IPMK: variants seen among roughly 807,000 people sequenced by gnomAD.
IPMK encodes inositol polyphosphate multikinase, also known as inositol 1,3,4,6-tetrakisphosphate 5-kinase.
A neutral mutation model predicts 45.8 loss-of-function variants in IPMK; 17 were observed. The observed-to-expected ratio is 0.37, with a 90% CI of 0.25 to 0.56. The LOEUF (loss-of-function observed/expected upper bound fraction) is 0.56. Among genes scored for constraint, IPMK ranks in the 20% least tolerant of loss-of-function variants. The pLI is 0.79. For missense variants in IPMK, 399 were observed against 498.0 expected (o/e 0.80, Z 1.89); for synonymous variants, 180 against 184.3 (o/e 0.98, Z 0.19).
intron 1 of IPMK, among the ~76,000 whole-genome samples, chr10:58,264,038 A>G (rs1839113360): frequency 6.6e-6 from 1 of 152,258 alleles, no homozygotes; most frequent in South Asian, 2.1e-4. Context: ...AAGACATTAC[A>G]GTATTGGAAC....
chr10:58,230,337 C>G (rs1838494251), intron 2 of IPMK, among the ~76,000 whole-genome samples: 1 of 152,194 alleles, frequency 6.6e-6, no homozygotes, highest in South Asian at 2.1e-4. Flanking sequence ...TGAGAACAAG[C>G]AGACTGCCCC....
chr10:58,249,368 G>A (rs975630806), intron 1 of IPMK, among the ~76,000 whole-genome samples: 3 of 152,104 alleles, frequency 2.0e-5, no homozygotes, highest in African/African-American at 4.8e-5. Context: ...ATAAGCATAA[G>A]CCACCATGCT....
intron 1 of IPMK, among the ~76,000 whole-genome samples, chr10:58,242,443 G>C (rs530792338): frequency 4.5e-5 from 6 of 132,030 alleles, no homozygotes; most frequent in African/African-American, 1.8e-4. Flanking sequence ...CTGGGCGACA[G>C]AGCGAGACTC....
At chr10:58,222,192 T>C (rs372075769) in intron 3 of IPMK, among the ~76,000 whole-genome samples, 10 of 152,298 alleles carry the variant, frequency 6.6e-5, no homozygotes, top group African/African-American at 2.2e-4. Context: ...GTAAGATAGA[T>C]GTGTTCTATC....
chr10:58,220,705 T>C (rs1053305203), intron 3 of IPMK, among the ~76,000 whole-genome samples: 1 of 152,220 alleles, frequency 6.6e-6, no homozygotes, highest in Non-Finnish European at 1.5e-5. Context: ...ACATTCCATA[T>C]ATAATTACTG....
chr10:58,216,320 G>A lies in IPMK; in HGVS notation c.374-3C>T. ...ATCTTCCAGTTTTAGGTATAAATCT[G>A]TTATTAAAGAAAAATATTAATTAGT... On this transcript the variant is annotated splice_region_variant and splice_polypyrimidine_tract_variant and intron_variant, in intron 3 of 5. Transcript: ENST00000373935. 1 of 1,440,256 alleles carries A rather than the reference G, an allele frequency of 6.9e-7. No homozygotes were observed. The highest frequency in any genetic ancestry group is 9.4e-7 in the Non-Finnish European group (1 of 1,065,022). The allele number at this position is 1,440,256 out of a possible 1,614,324, so 89.2% of individuals were successfully genotyped here. A position where few individuals can be genotyped will look rare whatever the true frequency, so the allele number is the denominator to read the frequency against.
intron 1 of IPMK, among the ~76,000 whole-genome samples, chr10:58,260,762 T>A (rs1839052509): frequency 6.6e-6 from 1 of 152,214 alleles, no homozygotes; most frequent in Admixed American, 6.5e-5. Context: ...TATGACTCAC[T>A]GAGAGAAATT....
Position 58,199,128 on chromosome 10 carries a change from A to C in IPMK, c.628+112T>G. ...TAAATCTAAGTTTCATTATTATTTAAAAAATGTTTATTATGAATCAAATCA... is the reference window on the plus strand; with the variant it reads ...TAAATCTAAGTTTCATTATTATTTACAAAATGTTTATTATGAATCAAATCA... On this transcript the variant is annotated intron_variant, in intron 5 of 5. Coordinates refer to ENST00000373935, the MANE Select transcript of IPMK (RefSeq NM_152230.5). The C allele has an allele frequency of 4.9e-6, 3 of 618,268 alleles. 1 individual carries two copies. The South Asian group carries it at 7.6e-5, about 16-fold the overall frequency. 38.3% of individuals were successfully genotyped at this position (618,268 alleles called of 1,614,324 possible).
intron 5 of IPMK, among the ~76,000 whole-genome samples, chr10:58,197,265 C>A (rs1377351922): frequency 7.3e-6 from 1 of 136,318 alleles, no homozygotes; most frequent in African/African-American, 3.0e-5. Flanking sequence ...GGCCACTGCA[C>A]GCCAGCCTGG....
chr10:58,195,961 CAAAT>C lies in IPMK; in HGVS notation c.*111_*114del, dbSNP rs1298100038. On this transcript the variant is annotated 3_prime_UTR_variant, in exon 6 of 6. Transcript: ENST00000373935. The stretch of plus-strand genomic sequence containing the variant: ...AACCATTCTTCCAAAAGTATAAAGA[CAAAT>C]AAAATGTCGACTCATAATACAAATT... The C allele has an allele frequency of 2.0e-5, 20 of 976,080 alleles. No individual in the cohort carries two copies. In the Admixed American group the frequency reaches 3.4e-4, roughly 17 times the overall value. The allele number at this position is 976,080 out of a possible 1,614,324, so 60.5% of individuals were successfully genotyped here.
chr10:58,249,880 A>T (rs968640008), intron 1 of IPMK, among the ~76,000 whole-genome samples: 2 of 152,120 alleles, frequency 1.3e-5, no homozygotes, highest in African/African-American at 2.4e-5. Flanking sequence ...AGGGATACAG[A>T]TCTAGTTTCA....
chr10:58,235,689 G>A (rs775642011), intron 2 of IPMK, among the ~76,000 whole-genome samples: 4 of 152,094 alleles, frequency 2.6e-5, no homozygotes, highest in East Asian at 3.9e-4. Flanking sequence ...GAGGGATAGC[G>A]TTATGAGAAA....
intron 2 of IPMK, among the ~76,000 whole-genome samples, chr10:58,232,133 T>C (rs1838533292): frequency 6.6e-6 from 1 of 152,204 alleles, no homozygotes; most frequent in African/African-American, 2.4e-5. Flanking sequence ...AAGAGTTAAC[T>C]ATCCTAAATA....
intron 4 of IPMK, among the ~76,000 whole-genome samples, chr10:58,207,035 T>C (rs143975082): frequency 3.4e-3 from 519 of 152,288 alleles, no homozygotes; most frequent in African/African-American, 0.012. Context: ...GGAGTCTTGC[T>C]CTGTTGCCCA....
In IPMK at chr10:58,249,910, C is replaced by G. The variant is rs145973272; in HGVS notation, c.191-12096G>C. Among the ~76,000 whole-genome samples the G allele has an allele frequency of 3.1e-4, 47 of 152,224 alleles. No individual in the cohort carries two copies. The East Asian group carries it at 7.1e-3, about 23-fold the overall frequency. The stretch of plus-strand genomic sequence containing the variant: ...GTTTCATTTTTCTGCTTATGGATAT[C>G]CAGTTTTCCCACCCCACTTATTGAA... On this transcript the variant is annotated intron_variant, in intron 1 of 5. Coordinates refer to ENST00000373935, the MANE Select transcript of IPMK (RefSeq NM_152230.5).
At chr10:58,202,004 C>T (rs1424752369) in intron 4 of IPMK, among the ~76,000 whole-genome samples, 3 of 152,118 alleles carry the variant, frequency 2.0e-5, no homozygotes, top group Non-Finnish European at 1.5e-5. Context: ...GAGGAAGCTG[C>T]GAAAGAAAAG....
chr10:58,198,161 C>A (rs1837937525), intron 5 of IPMK, among the ~76,000 whole-genome samples: 1 of 152,146 alleles, frequency 6.6e-6, no homozygotes, highest in Admixed American at 6.5e-5. Context: ...CATAACTCTA[C>A]CATAACTCTA....
chr10:58,259,672 A>AAAAAAAAAAAAAAAAAAAT (rs1839029353), intron 1 of IPMK, among the ~76,000 whole-genome samples: 1 of 94,578 alleles, frequency 1.1e-5, no homozygotes, highest in African/African-American at 4.9e-5. Context: ...ATCTCTACAT[A>AAAAAAAAAAAAAAAAAAAT]AAAAAAAAAA....
chr10:58,200,338 C>G (rs930952894), intron 4 of IPMK, among the ~76,000 whole-genome samples: 2 of 152,092 alleles, frequency 1.3e-5, no homozygotes, highest in African/African-American at 2.4e-5. Context: ...AGGCTGGTCT[C>G]AAACTCCTGG....
Sources: allele counts gnomAD v4.1 joint callset (sites outside exome capture counted in the v4.1 genomes callset), GRCh38; gene constraint gnomAD v4.1.1; transcripts MANE v1.5; gene names NCBI Gene and HGNC (gene_info 2026-07-23, HGNC 2026-07-21).